Variants in EARS2 observed in about 807,000 individuals in gnomAD.
The protein encoded by EARS2 is nondiscriminating glutamyl-tRNA synthetase EARS2, mitochondrial.
In EARS2, 50 loss-of-function variants were observed where a neutral mutation model predicts 54.1. The ratio of observed to expected loss-of-function variants is 0.92; its 90% confidence interval spans 0.74 to 1.17. The LOEUF (loss-of-function observed/expected upper bound fraction) is 1.17. EARS2 is among the 50% of genes most tolerant of loss of function. The pLI is 0.00. For missense variants in EARS2, 673 were observed against 675.0 expected (o/e 1.00, Z 0.03); for synonymous variants, 298 against 281.0 (o/e 1.06, Z -0.61).
At position 23,524,235 on chromosome 16, in the gene EARS2, C is replaced by T. The variant is rs1567376425; in HGVS notation, c.*136G>A. 1.3e-6 allele frequency: 1 copy of T among 757,858 alleles called. No homozygotes were observed. The highest frequency in any genetic ancestry group is 1.6e-5 in the South Asian group (1 of 61,838). The allele number at this position is 757,858 out of a possible 1,614,324, so 46.9% of individuals were successfully genotyped here. A position where few individuals can be genotyped will look rare whatever the true frequency, so the allele number is the denominator to read the frequency against. ...GGTGGATCACAAATGCACTTGTGTG[C>T]AGTCAGAGATTGTTTCCACTCTTAG... On this transcript the variant is annotated 3_prime_UTR_variant, in exon 9 of 9. Transcript: ENST00000449606.
At chr16:23,541,973 C>A (rs1331133113) in intron 3 of EARS2, among the ~76,000 whole-genome samples, 2 of 152,092 alleles carry the variant, frequency 1.3e-5, no homozygotes, top group East Asian at 3.9e-4. Context: ...ATTCTCCCGC[C>A]TCAGCCTCCC....
chr16:23,531,041 G>A (rs946412192), intron 5 of EARS2, among the ~76,000 whole-genome samples: 3 of 151,100 alleles, frequency 2.0e-5, no homozygotes, highest in Non-Finnish European at 2.9e-5. Context: ...ACAGGCGCCC[G>A]CCACGTCGGG....
Position 23,552,583 on chromosome 16 carries a change from T to C in EARS2, c.140-279A>G, listed in dbSNP as rs1462719940. Among the ~76,000 whole-genome samples, 13 of 152,262 alleles carry C rather than the reference T, an allele frequency of 8.5e-5. No individual in the cohort carries two copies. The East Asian group carries it at 2.5e-3, about 29-fold the overall frequency. On this transcript the variant is annotated intron_variant, in intron 1 of 8. Coordinates refer to ENST00000449606, the MANE Select transcript of EARS2 (RefSeq NM_001083614.2). ...TTGGCTCACTGCAACCTCTGCCTCT[T>C]GTGTTTAAGCAATTCTCATGCCCAG...
intron 2 of EARS2, 69 bp from the exon 3 acceptor site, chr16:23,544,772 T>C: frequency 7.5e-7 from 1 of 1,325,972 alleles, no homozygotes; most frequent in Non-Finnish European, 1.0e-6. Flanking sequence ...CTCTAAGCAC[T>C]TTATGCACAT....
intron 7 of EARS2, among the ~76,000 whole-genome samples, chr16:23,527,990 C>T (rs1222033022): frequency 1.3e-5 from 2 of 152,128 alleles, no homozygotes; most frequent in East Asian, 1.9e-4. Flanking sequence ...TCATGCAGGC[C>T]GAGCCCTTAT....
chr16:23,549,965 T>C (rs976133057), intron 2 of EARS2, among the ~76,000 whole-genome samples: 4 of 152,190 alleles, frequency 2.6e-5, no homozygotes, highest in Admixed American at 6.6e-5. Context: ...CATCACCTCC[T>C]AAGAGAAAAC....
intron 1 of EARS2, chr16:23,556,769 C>G: frequency 2.5e-6 from 1 of 398,104 alleles, no homozygotes; most frequent in Non-Finnish European, 4.9e-6. Flanking sequence ...CTTCTTAATC[C>G]CCAGTCTCCT....
At chr16:23,544,386 G>A in intron 3 of EARS2, 128 bp downstream of exon 3, 2 of 937,716 alleles carry the variant, frequency 2.1e-6, no homozygotes, top group Non-Finnish European at 3.1e-6. Flanking sequence ...AACAGGTGAG[G>A]CCACGCTCAG....
intron 8 of EARS2, 101 bp from the exon 9 acceptor site, chr16:23,524,555 C>A: frequency 1.0e-6 from 1 of 987,398 alleles, no homozygotes; most frequent in Non-Finnish European, 1.6e-6. Flanking sequence ...CCAGCCCCCA[C>A]ACTGCTGCCT....
chr16:23,552,566 C>G (rs1486041876), intron 1 of EARS2, among the ~76,000 whole-genome samples: 1 of 152,122 alleles, frequency 6.6e-6, no homozygotes, highest in African/African-American at 2.4e-5. Context: ...TCTTGGCTCA[C>G]TGCAACCTCT....
At chr16:23,531,330 G>A (rs533557213) in intron 5 of EARS2, among the ~76,000 whole-genome samples, 15 of 151,500 alleles carry the variant, frequency 9.9e-5, no homozygotes, top group East Asian at 2.0e-4. Context: ...GAGCGATCTC[G>A]GCTCACTGCA....
chr16:23,554,957 G>A (rs2142199134), intron 1 of EARS2, among the ~76,000 whole-genome samples: 1 of 152,308 alleles, frequency 6.6e-6, no homozygotes, highest in East Asian at 1.9e-4. Context: ...ATCTGTGCCT[G>A]ATAATTCTTT....
chr16:23,529,645 G>A lies in EARS2; in HGVS notation c.1222-13C>T. ...GGCAAATGTGACCCTGGGGAAGGAG[G>A]CAGTCATTGAATGCACTAGGGACAG... On this transcript the variant is annotated splice_polypyrimidine_tract_variant and intron_variant, in intron 6 of 8. Coordinates refer to ENST00000449606, the MANE Select transcript of EARS2 (RefSeq NM_001083614.2). 1 of 1,614,000 alleles carries A rather than the reference G, an allele frequency of 6.2e-7. No individual in the cohort carries two copies. The highest frequency in any genetic ancestry group is 8.5e-7 in the Non-Finnish European group (1 of 1,179,894).
intron 3 of EARS2, among the ~76,000 whole-genome samples, chr16:23,543,619 G>A (rs965925285): frequency 6.6e-6 from 1 of 151,722 alleles, no homozygotes; most frequent in African/African-American, 2.4e-5. Flanking sequence ...TGTAGTCCCA[G>A]CTACCCAGGA....
rs537472495 is a variant in EARS2 at position 23,524,717 on chromosome 16, G to A, written c.1489-263C>T. The stretch of plus-strand genomic sequence containing the variant: ...GCTGGAATACAACGGTGCGATCTTG[G>A]CTCACTGCAACCTCTGCCTCCCAGG... On this transcript the variant is annotated intron_variant, in intron 8 of 8. Coordinates refer to ENST00000449606, the MANE Select transcript of EARS2 (RefSeq NM_001083614.2). Among the ~76,000 whole-genome samples the A allele has an allele frequency of 1.1e-4, 16 of 150,830 alleles. No individual in the cohort carries two copies. In the South Asian group the frequency reaches 3.1e-3, roughly 30 times the overall value.
rs1031105381 is a variant in EARS2 at position 23,525,047 on chromosome 16, G to C, written c.1488+197C>G. The C allele has an allele frequency of 3.2e-5, 22 of 684,372 alleles. No individual in the cohort carries two copies. The African/African-American group carries it at 3.8e-4, about 12-fold the overall frequency. 42.4% of individuals were successfully genotyped at this position (684,372 alleles called of 1,614,324 possible). ...ATGTATGTGTGTTTAATTCTATATT[G>C]TATTCACTGTACCTAACACAATGCT... On this transcript the variant is annotated intron_variant, in intron 8 of 8. Transcript: ENST00000449606.
Position 23,521,452 on chromosome 16 carries a change from T to C in EARS2, c.*2919A>G, listed in dbSNP as rs943631042. Among the ~76,000 whole-genome samples the C allele has an allele frequency of 9.9e-5, 15 of 152,158 alleles. No homozygotes were observed. The highest frequency in any genetic ancestry group is 3.9e-4 in the Admixed American group (6 of 15,274). On this transcript the variant is annotated 3_prime_UTR_variant, in exon 9 of 9. Transcript: ENST00000449606. ...TCTTGCTCTGTTGCCCAGGTTAGAG[T>C]GCAGTAGTGCATTCATAGCTCACTG...
chr16:23,538,911 T>C (rs1368852391), intron 3 of EARS2, among the ~76,000 whole-genome samples: 1 of 151,790 alleles, frequency 6.6e-6, no homozygotes. Context: ...GATTGCTTTG[T>C]ACCTACCACC....
At chr16:23,535,452 G>T in intron 3 of EARS2, 92 bp from the exon 4 acceptor site, 1 of 1,188,642 alleles carries the variant, frequency 8.4e-7, no homozygotes, top group Non-Finnish European at 1.2e-6. Context: ...CCTTAAGCAA[G>T]TCAGTTACTG....
Sources: allele counts gnomAD v4.1 joint callset (sites outside exome capture counted in the v4.1 genomes callset), GRCh38; gene constraint gnomAD v4.1.1; transcripts MANE v1.5; gene names NCBI Gene and HGNC (gene_info 2026-07-23, HGNC 2026-07-21).